The following MTUS2 variants were observed in gnomAD, a reference collection of about 807,000 sequenced individuals.
MTUS2 encodes microtubule-associated tumor suppressor candidate 2.
MTUS2 carries 40 observed loss-of-function variants against 114.1 expected under a neutral mutation model. The ratio of observed to expected loss-of-function variants is 0.35; its 90% CI spans 0.27 to 0.46. The LOEUF is 0.46. Ranked by LOEUF, MTUS2 falls within the 20% of genes least tolerant of loss-of-function variation. The pLI is 1.00. For missense variants in MTUS2, 1,679 were observed against 1,705.4 expected, an observed-to-expected ratio of 0.98 and a Z score of 0.27; for synonymous variants, 688 against 672.0, an observed-to-expected ratio of 1.02 and a Z score of -0.37.
chr13:29,454,220 G>A (rs540440284), intron 9 of MTUS2, among the ~76,000 whole-genome samples: 2 of 152,268 alleles, frequency 1.3e-5, no homozygotes, highest in East Asian at 3.9e-4. Context: ...CTGATGAAGA[G>A]CCAGGGCTCT....
chr13:29,291,630 C>A (rs1898718663), intron 6 of MTUS2, among the ~76,000 whole-genome samples: 1 of 152,192 alleles, frequency 6.6e-6, no homozygotes, highest in African/African-American at 2.4e-5. Context: ...AGCCTCGGTC[C>A]TGCTGACCTC....
At chr13:28,970,484 A>C (rs1883803104) in intron 2 of MTUS2, among the ~76,000 whole-genome samples, 1 of 152,218 alleles carries the variant, frequency 6.6e-6, no homozygotes, top group Admixed American at 6.5e-5. Context: ...ACACTGCAAC[A>C]GCAGTTTAGT....
At chr13:29,322,618 G>A (rs1900301267) in intron 6 of MTUS2, among the ~76,000 whole-genome samples, 1 of 152,180 alleles carries the variant, frequency 6.6e-6, no homozygotes, top group African/African-American at 2.4e-5. Flanking sequence ...GAAGAATGAA[G>A]CGGGTGAAGG....
chr13:29,432,097 CCCA>C (rs1295270073), intron 8 of MTUS2, among the ~76,000 whole-genome samples: 2 of 150,908 alleles, frequency 1.3e-5, no homozygotes, highest in Non-Finnish European at 2.9e-5. Context: ...AAGTGATCCA[CCCA>C]CCTCGGCCAC....
chr13:28,910,467 G>A (rs192314182), intron 2 of MTUS2, among the ~76,000 whole-genome samples: 8 of 152,076 alleles, frequency 5.3e-5, no homozygotes, highest in South Asian at 2.1e-4. Context: ...GGTTTGCCGC[G>A]TAGATCAACC....
At chr13:29,082,653 C>T (rs952051412) in intron 4 of MTUS2, among the ~76,000 whole-genome samples, 26 of 152,108 alleles carry the variant, frequency 1.7e-4, no homozygotes, top group Non-Finnish European at 2.5e-4. Context: ...AATAGCTATG[C>T]CAAGCTTGCA....
At chr13:29,044,017 A>C (rs1237192030) in intron 4 of MTUS2, among the ~76,000 whole-genome samples, 1 of 152,092 alleles carries the variant, frequency 6.6e-6, no homozygotes, top group African/African-American at 2.4e-5. Flanking sequence ...AATAAGAAAA[A>C]GTCTTTTGAG....
chr13:28,842,260 A>T (rs1875563205), intron 2 of MTUS2, among the ~76,000 whole-genome samples: 1 of 152,160 alleles, frequency 6.6e-6, no homozygotes, highest in South Asian at 2.1e-4. Flanking sequence ...GGGAAACCAG[A>T]TAAAGAAGAC....
At chr13:29,302,262 G>T (rs1045827491) in intron 6 of MTUS2, among the ~76,000 whole-genome samples, 2 of 152,140 alleles carry the variant, frequency 1.3e-5, no homozygotes, top group East Asian at 3.9e-4. Context: ...CAGAGCCAAA[G>T]GAACCCCCAC....
rs143521890 is a variant in MTUS2 at position 29,230,013 on chromosome 13, G to A, written c.2645-51691G>A. ...TGTAATCCCAGCACTTTGGGTGGCC[G>A]AGGCAGGCGGATCACGAGGTCAGGA... On this transcript the variant is annotated intron_variant, in intron 5 of 15. Coordinates refer to ENST00000612955, the MANE Select transcript of MTUS2 (RefSeq NM_001033602.4). 8.1e-3 allele frequency among the ~76,000 whole-genome samples: 1,239 copies of A among 152,256 alleles called. 7 individuals carry two copies. The highest frequency in any genetic ancestry group is 0.02 in the Middle Eastern group (6 of 294).
chr13:29,198,203 G>A lies in MTUS2; in HGVS notation c.2645-83501G>A, dbSNP rs940120134. 3.3e-5 allele frequency among the ~76,000 whole-genome samples: 5 copies of A among 152,138 alleles called. No individual in the cohort carries two copies. In the South Asian group the frequency reaches 8.3e-4, roughly 25 times the overall value. ...CTTCTAGGTTCTTTTATGGGTTAAGGTCTTAGGTTTAAGTCTATAATCCAT... is the reference window on the plus strand; with the variant it reads ...CTTCTAGGTTCTTTTATGGGTTAAGATCTTAGGTTTAAGTCTATAATCCAT... On this transcript the variant is annotated intron_variant, in intron 5 of 15. Coordinates refer to ENST00000612955, the MANE Select transcript of MTUS2 (RefSeq NM_001033602.4).
At chr13:29,300,092 A>T (rs1489497892) in intron 6 of MTUS2, among the ~76,000 whole-genome samples, 1 of 152,216 alleles carries the variant, frequency 6.6e-6, no homozygotes, top group African/African-American at 2.4e-5. Flanking sequence ...AGATCCATTT[A>T]TCTTTCTCTG....
intron 5 of MTUS2, among the ~76,000 whole-genome samples, chr13:29,276,310 C>T (rs542442546): frequency 5.9e-5 from 9 of 152,264 alleles, no homozygotes; most frequent in East Asian, 1.9e-4. Flanking sequence ...TGTAATCATG[C>T]GGAATATATA....
chr13:29,395,253 A>G (rs574406510), intron 8 of MTUS2, among the ~76,000 whole-genome samples: 51 of 152,176 alleles, frequency 3.4e-4, no homozygotes, highest in African/African-American at 1.2e-3. Context: ...TGAGGGTATA[A>G]TGGGTCATGT....
intron 3 of MTUS2, among the ~76,000 whole-genome samples, chr13:29,030,574 G>A (rs1052956594): frequency 1.3e-5 from 2 of 152,132 alleles, no homozygotes; most frequent in Admixed American, 1.3e-4. Flanking sequence ...TCCCCCTCTT[G>A]TGTTTGAGCT....
intron 2 of MTUS2, among the ~76,000 whole-genome samples, chr13:28,987,995 C>T (rs1392153760): frequency 6.6e-6 from 1 of 152,166 alleles, no homozygotes; most frequent in Non-Finnish European, 1.5e-5. Context: ...ATCCTAAACC[C>T]CAGGCCATAC....
chr13:29,092,267 C>G (rs1405052794), intron 4 of MTUS2, among the ~76,000 whole-genome samples: 1 of 152,196 alleles, frequency 6.6e-6, no homozygotes, highest in African/African-American at 2.4e-5. Context: ...TTACATATTC[C>G]TACTCTTCCC....
At chr13:29,067,776 G>A (rs1353148854) in intron 4 of MTUS2, among the ~76,000 whole-genome samples, 1 of 152,066 alleles carries the variant, frequency 6.6e-6, no homozygotes, top group East Asian at 1.9e-4. Flanking sequence ...AAGGTATGGG[G>A]GTGATAACTG....
chr13:29,480,724 C>T lies in MTUS2; in HGVS notation c.3399+360C>T, dbSNP rs1566227299. On this transcript the variant is annotated intron_variant, in intron 10 of 15. Transcript: ENST00000612955. This position sits in a 1 kb window ranked among gnomAD's most constrained non-coding sequence, Gnocchi z 4.4. ...CAACCACATACACACTCTTTCTGTC[C>T]CCCTCCCAGTATTAGTGTTCCTTCA... Among the ~76,000 whole-genome samples, 1 of 151,990 alleles carries T rather than the reference C, an allele frequency of 6.6e-6. No individual in the cohort carries two copies. Among genetic ancestry groups the T allele is most frequent in the Non-Finnish European group, 1.5e-5 (1 of 68,002 alleles).
Sources: gnomAD v4.1 joint callset for allele counts (sites outside exome capture counted in the v4.1 genomes callset) on GRCh38, gnomAD v4.1.1 for gene constraint, Gnocchi (gnomAD v3.1) non-coding constraint, MANE v1.5 for transcripts, NCBI Gene and HGNC (gene_info 2026-07-23, HGNC 2026-07-21) for gene names.